CELA3B: variants seen among roughly 807,000 people sequenced by gnomAD.
CELA3B encodes chymotrypsin like elastase 3B, also known as chymotrypsin-like elastase family member 3B.
CELA3B carries 34 observed loss-of-function variants against 37.2 expected under a neutral mutation model. That is an observed-to-expected ratio of 0.91 (90% confidence interval 0.70 to 1.22). CELA3B has a LOEUF of 1.22. Among genes scored for constraint, CELA3B ranks in the 50% most tolerant of loss-of-function variants. The probability of loss-of-function intolerance (pLI) is 0.00; values close to 1 mark genes in which losing one functional copy is unlikely to be tolerated. For synonymous variants in CELA3B, 127 were observed against 143.5 expected, an observed-to-expected ratio of 0.89 and a Z score of 0.82; for missense variants, 340 against 363.1, an observed-to-expected ratio of 0.94 and a Z score of 0.52.
chr1:21,991,891 C>G (rs926504194), downstream of CELA3B, among the ~76,000 whole-genome samples: 7 of 150,746 alleles, frequency 4.6e-5, no homozygotes, highest in Non-Finnish European at 8.8e-5. Context: ...AGGCTGAGGC[C>G]AGTGGATCAC....
intron 2 of CELA3B, among the ~76,000 whole-genome samples, chr1:21,979,127 C>T (rs1346338685): frequency 2.0e-5 from 3 of 151,312 alleles, no homozygotes; most frequent in Non-Finnish European, 4.4e-5. Flanking sequence ...GGCTGAAGTG[C>T]AATGGCACAA....
intron 6 of CELA3B, among the ~76,000 whole-genome samples, chr1:21,985,088 T>A (rs1394093455): frequency 1.3e-5 from 2 of 151,740 alleles, no homozygotes; most frequent in African/African-American, 2.4e-5. Flanking sequence ...GAGACCAGCC[T>A]AGGTAACATA....
At chr1:21,997,251 C>T (rs1331200949) in intron 4 of CELA3B, among the ~76,000 whole-genome samples, 2 of 149,826 alleles carry the variant, frequency 1.3e-5, no homozygotes, top group Non-Finnish European at 3.0e-5. Context: ...ACCCCAGCTA[C>T]TTGGGAGGCT....
At chr1:21,979,002 G>A (rs755220889) in intron 2 of CELA3B, among the ~76,000 whole-genome samples, 3 of 151,318 alleles carry the variant, frequency 2.0e-5, no homozygotes, top group African/African-American at 4.9e-5. Context: ...AGATGAGATC[G>A]CACCACTGCA....
intron 4 of CELA3B, among the ~76,000 whole-genome samples, chr1:21,983,042 A>T (rs1644814432): frequency 6.6e-6 from 1 of 152,170 alleles, no homozygotes; most frequent in South Asian, 2.1e-4. Context: ...AGGGACTAGA[A>T]GGGTTTCTTA....
At chr1:21,985,469 A>G (rs1042788678) in intron 6 of CELA3B, among the ~76,000 whole-genome samples, 3 of 151,950 alleles carry the variant, frequency 2.0e-5, no homozygotes, top group African/African-American at 4.8e-5. Flanking sequence ...GTAGAGATGA[A>G]GTCTCACCAT....
rs758347983 is a variant in CELA3B, at chr1:21,977,101, T to C, written c.43+19T>C. The C allele has an allele frequency of 4.3e-5, 69 of 1,614,016 alleles. No individual in the cohort carries two copies. Among genetic ancestry groups the C allele is most frequent in the Non-Finnish European group, 5.7e-5 (67 of 1,180,024 alleles). On this transcript the variant is annotated intron_variant, in intron 1 of 7. Coordinates refer to ENST00000337107, the MANE Select transcript of CELA3B (RefSeq NM_007352.4). ...GCCGTTGGTAAGACCCCAACCTGTG[T>C]GTGTGCTCCCTGGGCTGCCCTAGAT...
chr1:21,994,282 T>C (rs1644880056), downstream of CELA3B, among the ~76,000 whole-genome samples: 1 of 150,440 alleles, frequency 6.6e-6, no homozygotes, highest in South Asian at 2.1e-4. Context: ...CTCCAAAAGG[T>C]ACTTCTCTCC....
At chr1:21,981,255 A>G (rs1401485827) in intron 4 of CELA3B, 83 bp downstream of exon 4, 3 of 1,057,426 alleles carry the variant, frequency 2.8e-6, no homozygotes, top group African/African-American at 4.0e-5. Context: ...GTAGGTTCCA[A>G]CTCTGAGTTG....
intron 4 of CELA3B, among the ~76,000 whole-genome samples, chr1:21,997,113 A>T (rs1397302312): frequency 2.1e-5 from 3 of 146,094 alleles, no homozygotes; most frequent in Non-Finnish European, 3.0e-5. Flanking sequence ...TAATCCTGGC[A>T]TTTTGGGAGG....
intron 2 of CELA3B, among the ~76,000 whole-genome samples, chr1:21,979,669 G>T (rs1299800908): frequency 6.6e-6 from 1 of 150,990 alleles, no homozygotes; most frequent in East Asian, 2.0e-4. Flanking sequence ...GCCCAGGCTT[G>T]CCTCGAACTT....
chr1:21,995,106 G>C (rs1644884916), intron 4 of CELA3B, among the ~76,000 whole-genome samples: 1 of 148,422 alleles, frequency 6.7e-6, no homozygotes. Flanking sequence ...ACCTGTGGTG[G>C]CTGTCCCCAA....
rs185470168 is a variant in CELA3B at position 21,986,141 on chromosome 1, G to A, written c.643-390G>A. On this transcript the variant is annotated intron_variant, in intron 6 of 7. Coordinates refer to ENST00000337107, the MANE Select transcript of CELA3B (RefSeq NM_007352.4). ...ATAATCCCTTTGGGAGGCCCCGGCA[G>A]GTGGATCACCTGAGGTCAGGACTTT... Among the ~76,000 whole-genome samples, 1,396 of 151,088 alleles carry A rather than the reference G, an allele frequency of 9.2e-3. 10 individuals carry two copies. Among genetic ancestry groups the A allele is most frequent in the Non-Finnish European group, 0.013 (900 of 67,842 alleles).
intron 4 of CELA3B, among the ~76,000 whole-genome samples, chr1:21,981,934 C>T (rs1370142800): frequency 6.6e-6 from 1 of 151,956 alleles, no homozygotes; most frequent in Admixed American, 6.6e-5. Flanking sequence ...ACCGTGTTAG[C>T]CAGGATGATC....
At chr1:21,994,034 T>C (rs1266915271), downstream of CELA3B, among the ~76,000 whole-genome samples, 1 of 151,134 alleles carries the variant, frequency 6.6e-6, no homozygotes, top group Admixed American at 6.6e-5. Flanking sequence ...TGGATCATGT[T>C]CTCCTGTGGA....
chr1:21,977,030 C>G lies in CELA3B; in HGVS notation c.-10C>G. 1 of 1,614,162 alleles carries G rather than the reference C, an allele frequency of 6.2e-7. No homozygotes were observed. Among genetic ancestry groups the G allele is most frequent in the Non-Finnish European group, 8.5e-7 (1 of 1,180,038 alleles). ...AGGTTCTGTGCCCTTTTCCTATCAT[C>G]GCAAAACTCATGATGCTCCGGCTGC... On this transcript the variant is annotated 5_prime_UTR_variant, in exon 1 of 8. The change creates a new upstream start codon in the 5' untranslated region. Transcript: ENST00000337107.
At chr1:21,978,168 C>T (rs1230048098) in intron 1 of CELA3B, among the ~76,000 whole-genome samples, 1 of 143,178 alleles carries the variant, frequency 7.0e-6, no homozygotes, top group Non-Finnish European at 1.5e-5. Flanking sequence ...GAATCTCTAT[C>T]CCTGGAGTCT....
chr1:21,988,508 T>C (rs1419013570), intron 7 of CELA3B, among the ~76,000 whole-genome samples: 1 of 148,142 alleles, frequency 6.8e-6, no homozygotes, highest in Non-Finnish European at 1.5e-5. Context: ...GAAGAATTGC[T>C]TGAACTCGGG....
chr1:21,993,363 G>T (rs1644876758), downstream of CELA3B, among the ~76,000 whole-genome samples: 1 of 150,122 alleles, frequency 6.7e-6, no homozygotes, highest in Non-Finnish European at 1.5e-5. Context: ...TTTGGAGGCT[G>T]AGGTGGAAGA....
Sources: gnomAD v4.1 joint callset for allele counts (sites outside exome capture counted in the v4.1 genomes callset) on GRCh38, gnomAD v4.1.1 for gene constraint, MANE v1.5 for transcripts, NCBI Gene and HGNC (gene_info 2026-07-23, HGNC 2026-07-21) for gene names.